The following ABCB6 variants were observed in gnomAD, a reference collection of about 807,000 sequenced individuals.
The protein encoded by ABCB6 is ATP-binding cassette sub-family B member 6.
In ABCB6, 87 loss-of-function variants were observed where a neutral mutation model predicts 99.4. That is an observed-to-expected ratio of 0.88 (90% CI 0.74 to 1.05). The LOEUF is 1.05. Among genes scored for constraint, ABCB6 ranks in the 50% least tolerant of loss-of-function variants. The probability of loss-of-function intolerance (pLI) is 0.00; values close to 1 mark genes in which losing one functional copy is unlikely to be tolerated. For synonymous variants in ABCB6, 482 were observed against 447.5 expected (o/e 1.08, Z -0.97); for missense variants, 1,050 against 1,097.9 (o/e 0.96, Z 0.62).
intron 10 of ABCB6, 21 bp from the exon 11 acceptor site, chr2:219,213,523 G>C: frequency 6.2e-7 from 1 of 1,614,200 alleles, no homozygotes; most frequent in Non-Finnish European, 8.5e-7. Context: ...GTGCTGGTTA[G>C]GACTTCTCTG....
chr2:219,218,722 G>T lies in ABCB6; in HGVS notation c.-49C>A. The stretch of plus-strand genomic sequence containing the variant: ...GGCTGCGGGCACTGCGGGACCGGAG[G>T]CCGGGACTGGTCACTCGGAGAGGGG... On this transcript the variant is annotated 5_prime_UTR_variant, in exon 1 of 19. Coordinates refer to ENST00000265316, the MANE Select transcript of ABCB6 (RefSeq NM_005689.4). The T allele has an allele frequency of 6.7e-7, 1 of 1,491,916 alleles. No individual in the cohort carries two copies. Among genetic ancestry groups the T allele is most frequent in the Non-Finnish European group, 8.9e-7 (1 of 1,120,464 alleles). 92.4% of individuals were successfully genotyped at this position (1,491,916 alleles called of 1,614,324 possible).
In ABCB6 at chr2:219,210,700, C is replaced by T; in HGVS notation, c.2256+11G>A. 6.2e-7 allele frequency: 1 copy of T among 1,613,126 alleles called. No homozygotes were observed. Among genetic ancestry groups the T allele is most frequent in the African/African-American group, 1.3e-5 (1 of 74,918 alleles). On this transcript the variant is annotated intron_variant, in intron 16 of 18. Transcript: ENST00000265316. ...CAAGGCAGGAAGGAGGGGAGGAGACCCAGGGCGCACCTCATCCAGCAGAAT... is the reference window on the plus strand; with the variant it reads ...CAAGGCAGGAAGGAGGGGAGGAGACTCAGGGCGCACCTCATCCAGCAGAAT...
At position 219,209,949 on chromosome 2, in the gene ABCB6, T is replaced by A; in HGVS notation, c.2518A>T (p.Met840Leu). ...TGGCCAAACTTTTGTCACCGTTCCA[T>A]GGTCTGAGGCTTAGTGTCTTCAGAG... ...ETSEDTKPQTMER is the reference protein window; with the variant it reads ...ETSEDTKPQTLER The change falls in exon 19 of 19, where the codon ATG becomes TTG. Residue 840 changes from methionine to leucine, a missense_variant. Transcript: ENST00000265316. 1.9e-6 allele frequency: 3 copies of A among 1,614,140 alleles called. No individual in the cohort carries two copies. Among genetic ancestry groups the A allele is most frequent in the Non-Finnish European group, 2.5e-6 (3 of 1,179,958 alleles).
In ABCB6 at chr2:219,209,932, CT is replaced by C. The variant is rs753026092; in HGVS notation, c.*5del. 1 of 1,613,488 alleles carries C rather than the reference CT, an allele frequency of 6.2e-7. No individual in the cohort carries two copies. Among genetic ancestry groups the C allele is most frequent in the East Asian group, 2.2e-5 (1 of 44,884 alleles). ...AGTCTTTGAGAGGGAAGTGGCCAAA[CT>C]TTTGTCACCGTTCCATGGTCTGAGG... On this transcript the variant is annotated 3_prime_UTR_variant, in exon 19 of 19. Coordinates refer to ENST00000265316, the MANE Select transcript of ABCB6 (RefSeq NM_005689.4).
In ABCB6 at chr2:219,215,053, A is replaced by G; in HGVS notation, c.1184T>C (p.Leu395Pro). ...GATGATGCCAATGATGATGTCGGCC[A>G]GCGTGGGGATGACATTGAACACCAG... Reference protein sequence around the residue: ...SYLVFNVIPTLADIIIGIIYF... With the variant: ...SYLVFNVIPTPADIIIGIIYF... The change falls in exon 6 of 19, where the codon CTG becomes CCG. Residue 395 changes from leucine (L) to proline (P), a missense_variant. Coordinates refer to ENST00000265316, the MANE Select transcript of ABCB6 (RefSeq NM_005689.4). The G allele has an allele frequency of 6.2e-7, 1 of 1,614,170 alleles. No individual in the cohort carries two copies. Among genetic ancestry groups the G allele is most frequent in the Non-Finnish European group, 8.5e-7 (1 of 1,180,020 alleles).
intron 5 of ABCB6, 100 bp downstream of exon 5, chr2:219,215,897 G>C: frequency 7.8e-7 from 1 of 1,279,178 alleles, no homozygotes; most frequent in Non-Finnish European, 1.0e-6. Flanking sequence ...AGGTGGGAGC[G>C]GCAGCTTCTC....
intron 5 of ABCB6, 86 bp downstream of exon 5, chr2:219,215,911 C>T (rs993097922): frequency 2.0e-4 from 272 of 1,366,448 alleles, no homozygotes; most frequent in Non-Finnish European, 1.3e-4. Context: ...GCTTCTCAGG[C>T]GGGGTCTGTT....
chr2:219,214,127 T>G lies in ABCB6; in HGVS notation c.1446A>C (p.Lys482Asn). Residue 482 changes from lysine to asparagine, a missense_variant, in exon 8 of 19, where the codon AAA (lysine) becomes AAC (asparagine). Coordinates refer to ENST00000265316, the MANE Select transcript of ABCB6 (RefSeq NM_005689.4). ...EVERYREAII[K>N]YQGLEWKSSA... ...CTCAAACTAGCATCCTCACCTGATA[T>G]TTGATGATGGCCTCTCGATAGCGTT... 6.2e-7 allele frequency: 1 copy of G among 1,614,184 alleles called. No individual in the cohort carries two copies. The highest frequency in any genetic ancestry group is 8.5e-7 in the Non-Finnish European group (1 of 1,180,034).
In ABCB6 at chr2:219,212,893, C is replaced by T. The variant is rs542450869; in HGVS notation, c.1863+115G>A. On this transcript the variant is annotated intron_variant, in intron 13 of 18. Coordinates refer to ENST00000265316, the MANE Select transcript of ABCB6 (RefSeq NM_005689.4). ...TCCATGGAGGCTGCACCATTCAATC[C>T]GGTTGCCTATCGTGACTGGGCTCTC... The T allele has an allele frequency of 1.7e-5, 20 of 1,183,960 alleles. No individual in the cohort carries two copies. The East Asian group carries it at 2.0e-4, about 12-fold the overall frequency. 73.3% of individuals were successfully genotyped at this position (1,183,960 alleles called of 1,614,324 possible).
In ABCB6 at chr2:219,215,019, G is replaced by C. The variant is rs1263567341; in HGVS notation, c.1218C>G (p.Ser406Arg). The C allele has an allele frequency of 4.3e-6, 7 of 1,614,208 alleles. No homozygotes were observed. Among genetic ancestry groups the C allele is most frequent in the Non-Finnish European group, 5.9e-6 (7 of 1,180,036 alleles). Residue 406 changes from serine to arginine, a missense_variant, in exon 6 of 19, where the codon AGC becomes AGG. Physicochemically the swap from Ser to Arg is moderately radical, Grantham distance 110. Coordinates refer to ENST00000265316, the MANE Select transcript of ABCB6 (RefSeq NM_005689.4). ...GGCCAAACCAGGCGTTGAAGAACATGCTGAAGTAGATGATGCCAATGATGA... is the reference window on the plus strand; with the variant it reads ...GGCCAAACCAGGCGTTGAAGAACATCCTGAAGTAGATGATGCCAATGATGA... ...ADIIIGIIYF[S>R]MFFNAWFGLI...
At chr2:219,218,083 C>T in intron 1 of ABCB6, 42 bp downstream of exon 1, 6 of 1,557,452 alleles carry the variant, frequency 3.9e-6, no homozygotes, top group Non-Finnish European at 5.2e-6. Flanking sequence ...TTCTCCCAAG[C>T]CCGGCCAGCA....
chr2:219,210,654 G>C (rs577904381), intron 16 of ABCB6, 57 bp downstream of exon 16: 1 of 1,609,838 alleles, frequency 6.2e-7, no homozygotes, highest in South Asian at 1.1e-5. Context: ...CAGTGCCCAG[G>C]AGGAACGGCT....
intron 1 of ABCB6, 137 bp downstream of exon 1, chr2:219,217,988 T>C: frequency 7.4e-7 from 1 of 1,352,452 alleles, no homozygotes; most frequent in East Asian, 2.5e-5. Flanking sequence ...GGCTATCAGC[T>C]CCCGGCAGGA....
rs1452931745 is a variant in ABCB6, at chr2:219,212,504, A to G, written c.1864-13T>C. On this transcript the variant is annotated splice_polypyrimidine_tract_variant and intron_variant, in intron 13 of 18. Coordinates refer to ENST00000265316, the MANE Select transcript of ABCB6 (RefSeq NM_005689.4). ...CAGATGGGCCCACCTGTTGCATTGG[A>G]AATGGGAAAAATCTCAGGCCCACTG... is the stretch of plus-strand genomic sequence containing the variant. 2 of 1,609,526 alleles carry G rather than the reference A, an allele frequency of 1.2e-6. No individual in the cohort carries two copies. Among genetic ancestry groups the G allele is most frequent in the Non-Finnish European group, 1.7e-6 (2 of 1,177,094 alleles).
intron 8 of ABCB6, 36 bp downstream of exon 8, chr2:219,214,085 C>T: frequency 6.2e-6 from 10 of 1,613,296 alleles, no homozygotes; most frequent in Non-Finnish European, 8.5e-6. Context: ...CAGGCCAGGG[C>T]ATTATTCTCC....
chr2:219,212,503 G>C lies in ABCB6; in HGVS notation c.1864-12C>G. ...CCAGATGGGCCCACCTGTTGCATTG[G>C]AAATGGGAAAAATCTCAGGCCCACT... On this transcript the variant is annotated splice_polypyrimidine_tract_variant and intron_variant, in intron 13 of 18. Coordinates refer to ENST00000265316, the MANE Select transcript of ABCB6 (RefSeq NM_005689.4). The C allele has an allele frequency of 6.2e-7, 1 of 1,609,150 alleles. No individual in the cohort carries two copies. The highest frequency in any genetic ancestry group is 8.5e-7 in the Non-Finnish European group (1 of 1,177,186).
At position 219,216,884 on chromosome 2, in the gene ABCB6, T is replaced by G; in HGVS notation, c.688-52A>C. The G allele has an allele frequency of 6.3e-4, 886 of 1,403,064 alleles. No individual in the cohort carries two copies. The highest frequency in any genetic ancestry group is 7.8e-4 in the Non-Finnish European group (792 of 1,021,382). 86.9% of individuals were successfully genotyped at this position (1,403,064 alleles called of 1,614,324 possible). On this transcript the variant is annotated intron_variant, in intron 2 of 18. Transcript: ENST00000265316. The surrounding 1 kb of genome is among the most constrained non-coding windows in gnomAD (Gnocchi z 4.2). ...GAGCTCAGAAATCAAGTAAGTGCAC[T>G]AGCCAGAAACCCTTCAGGGAAAAAC... is the stretch of plus-strand genomic sequence containing the variant.
intron 5 of ABCB6, 54 bp from the exon 6 acceptor site, chr2:219,215,136 C>T (rs1427155805): frequency 6.2e-7 from 1 of 1,610,124 alleles, no homozygotes; most frequent in Non-Finnish European, 8.5e-7. Flanking sequence ...GACCCAGCAA[C>T]CCTGCCTCTA....
chr2:219,210,845 C>A (rs201427976), intron 15 of ABCB6, 22 bp from the exon 16 acceptor site: 1 of 1,613,628 alleles, frequency 6.2e-7, no homozygotes, highest in African/African-American at 1.3e-5. Flanking sequence ...ACCCACCACA[C>A]GTTTCTTACG....
Sources: gnomAD v4.1 joint callset for allele counts on GRCh38, gnomAD v4.1.1 for gene constraint, Gnocchi (gnomAD v3.1) non-coding constraint, MANE v1.5 for transcripts, NCBI Gene and HGNC (gene_info 2026-07-23, HGNC 2026-07-21) for gene names.